ZC3H12B: variants seen among roughly 807,000 people sequenced by gnomAD.
The protein encoded by ZC3H12B is probable ribonuclease ZC3H12B.
A neutral mutation model predicts 43.9 loss-of-function variants in ZC3H12B; 7 were observed. That is an observed-to-expected ratio of 0.16 (90% CI 0.09 to 0.30). The LOEUF is 0.30. Among genes scored for constraint, ZC3H12B ranks in the 10% least tolerant of loss-of-function variants. The pLI, the probability that ZC3H12B is intolerant of heterozygous loss-of-function variation, is 1.00. For missense variants in ZC3H12B, 475 were observed against 670.2 expected (o/e 0.71, Z 3.22); for synonymous variants, 222 against 241.7 (o/e 0.92, Z 0.76).
At chrX:65,072,644 T>TG in the ZC3H12B span, among the ~76,000 whole-genome samples, 2 of 111,836 alleles carry the variant, frequency 1.8e-5, no homozygotes, top group Non-Finnish European at 3.8e-5. Context: ...CTGAAGATAT[T>TG]GGGGGGCAGG....
At chrX:65,250,845 T>C in the ZC3H12B span, among the ~76,000 whole-genome samples, 1 of 111,884 alleles carries the variant, frequency 8.9e-6, no homozygotes, top group South Asian at 3.7e-4. Flanking sequence ...TAGCCCTTTG[T>C]CAGATGAGCA....
At chrX:65,396,310 T>C (rs1461639220) in intron 2 of ZC3H12B, among the ~76,000 whole-genome samples, 5 of 112,304 alleles carry the variant, frequency 4.5e-5, no homozygotes, top group Non-Finnish European at 9.4e-5. Flanking sequence ...CTTTCTGATG[T>C]GGGCATTTAG....
chrX:65,132,462 A>C, the ZC3H12B span, among the ~76,000 whole-genome samples: 1 of 109,890 alleles, frequency 9.1e-6, no homozygotes, highest in Middle Eastern at 4.7e-3. Context: ...GTCGGCACTA[A>C]GGAGGGAGTA....
chrX:65,375,203 A>G (rs1319893066), intron 2 of ZC3H12B, among the ~76,000 whole-genome samples: 1 of 112,090 alleles, frequency 8.9e-6, no homozygotes, highest in Admixed American at 9.5e-5. Context: ...CTGTCACAGC[A>G]TAAAGCAAAA....
At chrX:65,170,725 G>A in the ZC3H12B span, among the ~76,000 whole-genome samples, 4 of 111,420 alleles carry the variant, frequency 3.6e-5, no homozygotes, top group Non-Finnish European at 7.5e-5. Context: ...TGGAGGCTTT[G>A]TTCATTTCTT....
chrX:65,176,095 A>C, the ZC3H12B span, among the ~76,000 whole-genome samples: 1 of 112,180 alleles, frequency 8.9e-6, no homozygotes, highest in African/African-American at 3.2e-5. Flanking sequence ...GGTCTAGCTC[A>C]GCAGATCCCA....
chrX:65,095,887 G>A, the ZC3H12B span, among the ~76,000 whole-genome samples: 1 of 110,587 alleles, frequency 9.0e-6, no homozygotes, highest in East Asian at 2.9e-4. Flanking sequence ...TAGGACTGTA[G>A]AATTCTTCCC....
the ZC3H12B span, among the ~76,000 whole-genome samples, chrX:65,076,929 G>T: frequency 9.0e-6 from 1 of 111,284 alleles, no homozygotes; most frequent in African/African-American, 3.3e-5. Context: ...ATCAGTTAAT[G>T]ATCTTTTCTC....
intron 2 of ZC3H12B, 54 bp from the exon 8 acceptor site, chrX:65,498,937 GGTAATACT>G: frequency 2.1e-6 from 2 of 943,845 alleles, no homozygotes; most frequent in South Asian, 4.3e-5. Context: ...TTAATATTGG[GGTAATACT>G]GTTAATTTCC....
chrX:65,497,208 G>A, exon 2 of ZC3H12B: 1 of 1,210,114 alleles, frequency 8.3e-7, no homozygotes, highest in African/African-American at 1.7e-5. Flanking sequence ...AGGCCATAAA[G>A]ATATTACTGT....
At chrX:65,479,784 G>A (rs1438691576) in intron 3 of ZC3H12B, among the ~76,000 whole-genome samples, 1 of 112,489 alleles carries the variant, frequency 8.9e-6, no homozygotes, top group Non-Finnish European at 1.9e-5. Context: ...CACAAACAAA[G>A]CAAGGACAGA....
the ZC3H12B span, among the ~76,000 whole-genome samples, chrX:65,061,915 C>T: frequency 6.0e-4 from 67 of 112,458 alleles, no homozygotes; most frequent in African/African-American, 2.1e-3. Flanking sequence ...CTTTAATGAC[C>T]AGTGATGATG....
At chrX:65,296,542 C>T in the ZC3H12B span, among the ~76,000 whole-genome samples, 26 of 110,704 alleles carry the variant, frequency 2.3e-4, no homozygotes, top group South Asian at 0.01. Flanking sequence ...CAGTCCAGGA[C>T]CAGAGAGATT....
the ZC3H12B span, among the ~76,000 whole-genome samples, chrX:65,166,506 C>T: frequency 3.9e-3 from 436 of 111,973 alleles, 4 homozygotes; most frequent in African/African-American, 0.013. Context: ...AATAAACATT[C>T]GTGTGCATGT....
intron 2 of ZC3H12B, among the ~76,000 whole-genome samples, chrX:65,380,458 C>T (rs763123970): frequency 6.3e-4 from 70 of 111,288 alleles, no homozygotes; most frequent in African/African-American, 1.8e-3. Context: ...CTGAAGGAAG[C>T]GCTAAACATG....
chrX:65,217,615 A>G, the ZC3H12B span, among the ~76,000 whole-genome samples: 3 of 112,495 alleles, frequency 2.7e-5, no homozygotes, highest in African/African-American at 9.7e-5. Flanking sequence ...AAAGATATTA[A>G]AATAATTTTA....
At chrX:65,396,112 G>T in intron 2 of ZC3H12B, among the ~76,000 whole-genome samples, 2 of 110,832 alleles carry the variant, frequency 1.8e-5, no homozygotes, top group South Asian at 7.6e-4. Flanking sequence ...GGTCTATTTT[G>T]TTAATCTTTT....
At chrX:65,158,668 A>G in the ZC3H12B span, among the ~76,000 whole-genome samples, 1 of 111,313 alleles carries the variant, frequency 9.0e-6, no homozygotes, top group African/African-American at 3.3e-5. Flanking sequence ...GATTCTGGAT[A>G]TTAGCCCTTT....
intron 3 of ZC3H12B, among the ~76,000 whole-genome samples, chrX:65,459,202 G>C (rs2067689092): frequency 8.9e-6 from 1 of 111,959 alleles, no homozygotes; most frequent in Non-Finnish European, 1.9e-5. Flanking sequence ...CTCTGAAATT[G>C]AGGCAATAAT....
Sources: gnomAD v4.1 joint callset for allele counts (sites outside exome capture counted in the v4.1 genomes callset) on GRCh38, gnomAD v4.1.1 for gene constraint, MANE v1.5 for transcripts, NCBI Gene and HGNC (gene_info 2026-07-23, HGNC 2026-07-21) for gene names.